The following MPP7 variants were observed in gnomAD, a reference collection of about 807,000 sequenced individuals.
MPP7 encodes MAGUK p55 subfamily member 7.
In MPP7, 60 loss-of-function variants were observed where a neutral mutation model predicts 76.5. The observed-to-expected ratio is 0.78, with a 90% confidence interval of 0.64 to 0.97. The LOEUF is 0.97. MPP7 is among the 50% of genes least tolerant of loss of function. MPP7 has a pLI of 0.00. For missense variants in MPP7, 641 were observed against 694.0 expected, an observed-to-expected ratio of 0.92 and a Z score of 0.86; for synonymous variants, 237 against 244.5, an observed-to-expected ratio of 0.97 and a Z score of 0.29.
At chr10:28,229,691 C>T (rs185203973) in intron 2 of MPP7, among the ~76,000 whole-genome samples, 5 of 152,138 alleles carry the variant, frequency 3.3e-5, no homozygotes, top group African/African-American at 9.6e-5. Flanking sequence ...AGATCGAGAC[C>T]ATCCTGGCTA....
At chr10:28,287,521 T>G (rs979617637) in intron 1 of MPP7, among the ~76,000 whole-genome samples, 1 of 152,234 alleles carries the variant, frequency 6.6e-6, no homozygotes, top group Non-Finnish European at 1.5e-5. Flanking sequence ...TTCTTTCATT[T>G]TGGATCTTTC....
chr10:28,094,403 A>T (rs1269297392), intron 11 of MPP7, among the ~76,000 whole-genome samples: 1 of 152,090 alleles, frequency 6.6e-6, no homozygotes, highest in Non-Finnish European at 1.5e-5. Context: ...TTACTTCTCC[A>T]CAAGGCTCAT....
At position 28,104,002 on chromosome 10, in the gene MPP7, CT is replaced by C. The variant is rs555258987; in HGVS notation, c.953-14162del. On this transcript the variant is annotated intron_variant, in intron 11 of 16. Transcript: ENST00000683449. ...TTGACTGACAAAACAGCAATTTCAT[CT>C]GCTTCAACCAAATGCATATAGTACT... Among the ~76,000 whole-genome samples the C allele has an allele frequency of 2.9e-3, 443 of 152,192 alleles. 1 individual carries two copies. Among genetic ancestry groups the C allele is most frequent in the Non-Finnish European group, 4.5e-3 (306 of 68,008 alleles).
chr10:28,309,598 C>A (rs1450756763), intron 2 of MPP7, among the ~76,000 whole-genome samples: 5 of 152,286 alleles, frequency 3.3e-5, no homozygotes, highest in Middle Eastern at 3.4e-3. Context: ...AGTTAGACTG[C>A]AGGTTTGTCT....
chr10:28,086,983 A>G (rs1473099611), intron 12 of MPP7, among the ~76,000 whole-genome samples: 1 of 152,172 alleles, frequency 6.6e-6, no homozygotes, highest in African/African-American at 2.4e-5. Flanking sequence ...CTCTAGCTAT[A>G]GTCTCGATGT....
chr10:28,289,724 G>C (rs1840868962), intron 1 of MPP7, among the ~76,000 whole-genome samples: 1 of 152,160 alleles, frequency 6.6e-6, no homozygotes, highest in Admixed American at 6.5e-5. Context: ...ATGGAGAAAA[G>C]GTTTTAGGGG....
intron 2 of MPP7, chr10:28,202,916 G>C (rs1163817805): frequency 6.6e-6 from 1 of 152,074 alleles, no homozygotes; most frequent in Admixed American, 6.6e-5. Context: ...TAAAGTAACA[G>C]ATGCGGGTTA....
intron 3 of MPP7, among the ~76,000 whole-genome samples, chr10:28,153,805 C>T (rs1235345967): frequency 2.6e-5 from 4 of 152,164 alleles, no homozygotes; most frequent in Non-Finnish European, 1.5e-5. Context: ...TGGTCATCTG[C>T]ATTACATTAC....
intron 1 of MPP7, among the ~76,000 whole-genome samples, chr10:28,275,795 A>AAATAT (rs1460246794): frequency 6.6e-6 from 1 of 151,904 alleles, no homozygotes; most frequent in Admixed American, 6.6e-5. Context: ...CAAACACCTG[A>AAATAT]ACAACCTCCC....
At position 28,187,515 on chromosome 10, in the gene MPP7, C is replaced by T. The variant is rs1470149187; in HGVS notation, c.156+14638G>A. 2.0e-5 allele frequency among the ~76,000 whole-genome samples: 3 copies of T among 152,326 alleles called. No individual in the cohort carries two copies. The East Asian group carries it at 5.8e-4, about 29-fold the overall frequency. ...GGTGGCCATGGATCATTCGCAATGT[C>T]TGGCTGTCTTTTTGTTTTTCCTCCC... On this transcript the variant is annotated intron_variant, in intron 3 of 16. Transcript: ENST00000683449.
In MPP7 at chr10:28,093,805, G is replaced by C. The variant is rs547712170; in HGVS notation, c.953-3964C>G. 3.9e-5 allele frequency among the ~76,000 whole-genome samples: 6 copies of C among 152,280 alleles called. No homozygotes were observed. In the South Asian group the frequency reaches 8.3e-4, roughly 21 times the overall value. On this transcript the variant is annotated intron_variant, in intron 11 of 16. Transcript: ENST00000683449. ...TAGTGAGGAAAAGAGAAGGTAATCAGATCTCTTAAGGTGATGTTGCATGAG... is the reference window on the plus strand; with the variant it reads ...TAGTGAGGAAAAGAGAAGGTAATCACATCTCTTAAGGTGATGTTGCATGAG...
At chr10:28,113,534 G>A (rs944793166) in intron 11 of MPP7, among the ~76,000 whole-genome samples, 19 of 152,106 alleles carry the variant, frequency 1.2e-4, no homozygotes, top group African/African-American at 4.1e-4. Flanking sequence ...AAGAGTGTCT[G>A]TCAATATAAT....
rs563720785 is a variant in MPP7 at position 28,263,019 on chromosome 10, G to A, written c.-131-24284C>T. Among the ~76,000 whole-genome samples the A allele has an allele frequency of 1.1e-4, 17 of 152,164 alleles. No individual in the cohort carries two copies. The South Asian group carries it at 2.3e-3, about 20-fold the overall frequency. ...TGCAGTGAGCTGAGTTCGCACCACC[G>A]CACTCCAGCCTGGGCAACAGAGCGA... is the stretch of plus-strand genomic sequence containing the variant. On this transcript the variant is annotated intron_variant, in intron 1 of 16. Coordinates refer to ENST00000683449, the MANE Select transcript of MPP7 (RefSeq NM_001318170.2).
intron 10 of MPP7, 112 bp downstream of exon 10, chr10:28,120,082 A>C: frequency 8.3e-7 from 1 of 1,200,112 alleles, no homozygotes; most frequent in Non-Finnish European, 1.1e-6. Flanking sequence ...AGGATAAAAA[A>C]TTCTAAGGCA....
chr10:28,190,774 G>A (rs542212110), intron 3 of MPP7, among the ~76,000 whole-genome samples: 7 of 150,742 alleles, frequency 4.6e-5, no homozygotes, highest in Non-Finnish European at 4.4e-5. Flanking sequence ...GCAAGTAGAA[G>A]AAAAGAAATC....
chr10:28,208,036 TA>T (rs1296460971), intron 2 of MPP7, among the ~76,000 whole-genome samples: 4 of 152,130 alleles, frequency 2.6e-5, no homozygotes, highest in African/African-American at 9.7e-5. Flanking sequence ...GGCTTATCTG[TA>T]AAGTCAGAGA....
chr10:28,322,470 T>A (rs909943516), intron 2 of MPP7, among the ~76,000 whole-genome samples: 12 of 152,072 alleles, frequency 7.9e-5, no homozygotes, highest in Non-Finnish European at 1.8e-4. Context: ...TCTCTCCCCA[T>A]CTGAAAAACC....
At chr10:28,201,749 T>C (rs1334978145) in intron 3 of MPP7, among the ~76,000 whole-genome samples, 2 of 152,214 alleles carry the variant, frequency 1.3e-5, no homozygotes, top group African/African-American at 4.8e-5. Context: ...TTAAAGGAAA[T>C]TATTTTAAAT....
Position 28,199,313 on chromosome 10 carries a change from T to C in MPP7, c.156+2840A>G, listed in dbSNP as rs367777502. On this transcript the variant is annotated intron_variant, in intron 3 of 16. Transcript: ENST00000683449. ...TGAGACTTCTCAGGCATTCTCTCAG[T>C]ATCATCTTCCCTCTGATACTTCTAA... Among the ~76,000 whole-genome samples, 74 of 152,320 alleles carry C rather than the reference T, an allele frequency of 4.9e-4. No individual in the cohort carries two copies. In the South Asian group the frequency reaches 0.015, roughly 31 times the overall value.
Sources: allele counts gnomAD v4.1 joint callset (sites outside exome capture counted in the v4.1 genomes callset), GRCh38; gene constraint gnomAD v4.1.1; transcripts MANE v1.5; gene names NCBI Gene and HGNC (gene_info 2026-07-23, HGNC 2026-07-21).